BOLL: variants seen among roughly 807,000 people sequenced by gnomAD.
BOLL encodes protein boule-like.
In BOLL, 23 loss-of-function variants were observed where a neutral mutation model predicts 44.4. That is an observed-to-expected ratio of 0.52 (90% CI 0.37 to 0.73). BOLL has a LOEUF of 0.73. BOLL is among the 30% of genes least tolerant of loss of function. The pLI is 0.00. For synonymous variants in BOLL, 97 were observed against 110.8 expected, an observed-to-expected ratio of 0.88 and a Z score of 0.78; for missense variants, 287 against 338.3, an observed-to-expected ratio of 0.85 and a Z score of 1.19.
intron 2 of BOLL, among the ~76,000 whole-genome samples, chr2:197,779,962 A>T (rs376158742): frequency 3.3e-5 from 5 of 152,032 alleles, no homozygotes; most frequent in Admixed American, 3.3e-4. Flanking sequence ...CTCACTACTT[A>T]CATACACTAT....
upstream of BOLL, among the ~76,000 whole-genome samples, chr2:197,785,811 C>T (rs572660700): frequency 8.5e-4 from 130 of 152,234 alleles, 1 homozygote; most frequent in South Asian, 6.2e-4. The surrounding 1 kb of genome is among the most constrained non-coding windows in gnomAD (Gnocchi z 6.7). Flanking sequence ...ACGAGGTCTG[C>T]GGGCGGGTGG....
intron 10 of BOLL, among the ~76,000 whole-genome samples, chr2:197,742,840 TA>T (rs1421195510): frequency 2.0e-5 from 3 of 152,016 alleles, no homozygotes; most frequent in Non-Finnish European, 4.4e-5. Context: ...AAAAATTTTT[TA>T]AAAAAGAAAA....
chr2:197,785,128 G>A lies in BOLL; in HGVS notation c.-88C>T, dbSNP rs1244349429. 1 of 985,866 alleles carries A rather than the reference G, an allele frequency of 1.0e-6. No individual in the cohort carries two copies. The highest frequency in any genetic ancestry group is 1.7e-5 in the African/African-American group (1 of 57,226). 61.1% of individuals were successfully genotyped at this position (985,866 alleles called of 1,614,324 possible). A position where few individuals can be genotyped will look rare whatever the true frequency, so the allele number is the denominator to read the frequency against. On this transcript the variant is annotated 5_prime_UTR_variant, in exon 1 of 11. Transcript: ENST00000392296. This position sits in a 1 kb window ranked among gnomAD's most constrained non-coding sequence, Gnocchi z 6.7. ...TTGCGGCACTGGGGGAAATGGCCGC[G>A]GCGACAACTTCCTCGAGTTCTCTCG...
intron 6 of BOLL, among the ~76,000 whole-genome samples, chr2:197,771,050 T>C (rs1689229056): frequency 6.6e-6 from 1 of 152,120 alleles, no homozygotes; most frequent in East Asian, 1.9e-4. Flanking sequence ...CATGTAAACG[T>C]ATGTTTACTG....
At chr2:197,773,115 CT>C (rs1297664550) in intron 5 of BOLL, among the ~76,000 whole-genome samples, 1 of 151,508 alleles carries the variant, frequency 6.6e-6, no homozygotes. Context: ...TAATTAGATC[CT>C]TTTGAGAATT....
At chr2:197,729,644 G>A (rs1328628136) in intron 10 of BOLL, among the ~76,000 whole-genome samples, 1 of 152,158 alleles carries the variant, frequency 6.6e-6, no homozygotes, top group Admixed American at 6.5e-5. Flanking sequence ...TCCTCAAGTG[G>A]GTCCCTGACC....
At chr2:197,755,673 T>C (rs1340635264) in intron 9 of BOLL, among the ~76,000 whole-genome samples, 1 of 152,116 alleles carries the variant, frequency 6.6e-6, no homozygotes, top group Non-Finnish European at 1.5e-5. Context: ...CGTTCTCACT[T>C]GTAAGTGGGA....
chr2:197,785,422 C>G, upstream of BOLL: 1 of 975,842 alleles, frequency 1.0e-6, no homozygotes, highest in Non-Finnish European at 1.2e-6. The surrounding 1 kb of genome is among the most constrained non-coding windows in gnomAD (Gnocchi z 6.7). Flanking sequence ...TGCGGGCAGT[C>G]CTCCTTCACT....
Position 197,769,732 on chromosome 2 carries a change from G to A in BOLL, c.480+2123C>T, listed in dbSNP as rs575442061. 6.3e-3 allele frequency among the ~76,000 whole-genome samples: 949 copies of A among 151,784 alleles called. 17 individuals are homozygous for A. The highest frequency in any genetic ancestry group is 0.022 in the African/African-American group (890 of 41,276). On this transcript the variant is annotated intron_variant, in intron 6 of 10. Transcript: ENST00000392296. ...CAGACAAACAGAGAGCCAAACCATG[G>A]GTGAACGCCCATTCACAATTGCTTC...
At chr2:197,773,191 T>C (rs1689343214) in intron 5 of BOLL, among the ~76,000 whole-genome samples, 1 of 151,844 alleles carries the variant, frequency 6.6e-6, no homozygotes, top group Admixed American at 6.6e-5. Flanking sequence ...ACACACAATT[T>C]TGGAGGTCCA....
rs111508930 is a variant in BOLL at position 197,739,642 on chromosome 2, T to C, written c.828+3419A>G. Among the ~76,000 whole-genome samples, 926 of 152,286 alleles carry C rather than the reference T, an allele frequency of 6.1e-3. 17 individuals carry two copies. The highest frequency in any genetic ancestry group is 0.021 in the African/African-American group (865 of 41,562). On this transcript the variant is annotated intron_variant, in intron 10 of 10. Transcript: ENST00000392296. ...AGTTGGCCAGAATTGGTAATCTTTA[T>C]ATGACTATATTAAAGAGTAAGATAC...
At chr2:197,776,493 A>C (rs1231944920) in intron 4 of BOLL, among the ~76,000 whole-genome samples, 3 of 151,904 alleles carry the variant, frequency 2.0e-5, no homozygotes, top group Non-Finnish European at 2.9e-5. Flanking sequence ...CTTCCCCTAG[A>C]AAGAGGAGTT....
At chr2:197,773,456 CAATT>C (rs542880634) in intron 5 of BOLL, among the ~76,000 whole-genome samples, 1,750 of 151,840 alleles carry the variant, frequency 0.012, 22 homozygotes, top group Middle Eastern at 0.031. Context: ...GTTGATTACA[CAATT>C]AATTAATTAA....
chr2:197,734,972 A>G (rs1559390267), intron 10 of BOLL, among the ~76,000 whole-genome samples: 1 of 152,112 alleles, frequency 6.6e-6, no homozygotes, highest in East Asian at 1.9e-4. Flanking sequence ...AAATTAAAAA[A>G]AAGAATTCTA....
At chr2:197,736,831 T>C (rs576045892) in intron 10 of BOLL, among the ~76,000 whole-genome samples, 36 of 152,284 alleles carry the variant, frequency 2.4e-4, no homozygotes, top group African/African-American at 8.2e-4. Context: ...TATTCTGTAT[T>C]CTTTTCTTGA....
At chr2:197,784,085 C>T (rs950855382) in intron 1 of BOLL, among the ~76,000 whole-genome samples, 2 of 152,032 alleles carry the variant, frequency 1.3e-5, no homozygotes, top group Non-Finnish European at 2.9e-5. Context: ...CAATTCACTT[C>T]ATTCTCCTCC....
At chr2:197,766,422 A>G in intron 7 of BOLL, 110 bp downstream of exon 7, 2 of 900,188 alleles carry the variant, frequency 2.2e-6, no homozygotes, top group East Asian at 2.6e-5. Context: ...TCTCTAATGA[A>G]CTATCTCTTT....
intron 9 of BOLL, 139 bp downstream of exon 9, chr2:197,756,289 G>A: frequency 2.4e-6 from 2 of 820,884 alleles, no homozygotes; most frequent in Non-Finnish European, 3.4e-6. Flanking sequence ...TATAAGAAAG[G>A]GGAAGAGATT....
chr2:197,761,036 C>T (rs1353876038), intron 7 of BOLL, among the ~76,000 whole-genome samples: 1 of 152,132 alleles, frequency 6.6e-6, no homozygotes, highest in Non-Finnish European at 1.5e-5. Flanking sequence ...CGATCTTTCA[C>T]AAGGCCAGGT....
Sources: gnomAD v4.1 joint callset for allele counts (sites outside exome capture counted in the v4.1 genomes callset) on GRCh38, gnomAD v4.1.1 for gene constraint, Gnocchi (gnomAD v3.1) non-coding constraint, MANE v1.5 for transcripts, NCBI Gene and HGNC (gene_info 2026-07-23, HGNC 2026-07-21) for gene names.